PSD3: variants seen among roughly 807,000 people sequenced by gnomAD.
PSD3 encodes PH and SEC7 domain-containing protein 3.
In PSD3, 49 loss-of-function variants were observed where a neutral mutation model predicts 105.5. The observed-to-expected ratio is 0.46, with a 90% confidence interval of 0.37 to 0.59. The LOEUF (loss-of-function observed/expected upper bound fraction) is 0.59. PSD3 is among the 20% of genes least tolerant of loss of function. The pLI is 0.00. For missense variants in PSD3, 1,561 were observed against 1,263.8 expected, an observed-to-expected ratio of 1.24 and a Z score of -3.57; for synonymous variants, 557 against 457.8, an observed-to-expected ratio of 1.22 and a Z score of -2.77.
At chr8:18,716,456 T>C (rs1360669233) in intron 9 of PSD3, among the ~76,000 whole-genome samples, 1 of 152,134 alleles carries the variant, frequency 6.6e-6, no homozygotes, top group Non-Finnish European at 1.5e-5. Flanking sequence ...GTGTTCCAGG[T>C]GGGTGAAACA....
At chr8:19,048,396 G>A (rs1475320498) in intron 1 of PSD3, among the ~76,000 whole-genome samples, 1 of 152,170 alleles carries the variant, frequency 6.6e-6, no homozygotes, top group Non-Finnish European at 1.5e-5. Context: ...CTGGAGAAAT[G>A]GTTTACAGCC....
At position 18,532,059 on chromosome 8, in the gene PSD3, T is replaced by C. The variant is rs969568462; in HGVS notation, c.*3684A>G. 1.3e-5 allele frequency: 2 copies of C among 152,204 alleles called. No homozygotes were observed. The highest frequency in any genetic ancestry group is 4.8e-5 in the African/African-American group (2 of 41,450). The allele number at this position is 152,204 out of a possible 1,614,324, so 9.4% of individuals were successfully genotyped here. The stretch of plus-strand genomic sequence containing the variant: ...AATGAAACCCAAAAGGTTTTGTTAG[T>C]AAGACAATGGAGAAACTTCTTTAAC... On this transcript the variant is annotated 3_prime_UTR_variant, in exon 16 of 16. Coordinates refer to ENST00000327040, the MANE Select transcript of PSD3 (RefSeq NM_015310.4).
chr8:18,786,230 TGAA>T (rs997335592), intron 8 of PSD3, among the ~76,000 whole-genome samples: 1 of 152,030 alleles, frequency 6.6e-6, no homozygotes, highest in African/African-American at 2.4e-5. Flanking sequence ...AATTTAAACT[TGAA>T]GAAGAGATAC....
At chr8:18,591,449 G>A (rs772632697) in intron 12 of PSD3, among the ~76,000 whole-genome samples, 2 of 152,178 alleles carry the variant, frequency 1.3e-5, no homozygotes, top group Non-Finnish European at 2.9e-5. Flanking sequence ...GGGAGAAAAG[G>A]TGGTCAACCT....
At chr8:19,067,303 T>C (rs1032518578) in intron 1 of PSD3, among the ~76,000 whole-genome samples, 2 of 152,170 alleles carry the variant, frequency 1.3e-5, no homozygotes, top group African/African-American at 4.8e-5. Context: ...ATATCTATCA[T>C]TCCAGCTCAG....
chr8:18,548,942 C>A (rs560299484), intron 15 of PSD3, among the ~76,000 whole-genome samples: 1 of 152,170 alleles, frequency 6.6e-6, no homozygotes, highest in Non-Finnish European at 1.5e-5. Flanking sequence ...CTCAGCTGTG[C>A]TGGTTGCCTT....
chr8:18,698,390 A>T (rs1202164375), intron 9 of PSD3, among the ~76,000 whole-genome samples: 1 of 152,162 alleles, frequency 6.6e-6, no homozygotes. Flanking sequence ...AAGTGCTAAG[A>T]TTATAGGTGC....
chr8:18,697,545 C>T (rs985122665), intron 9 of PSD3, among the ~76,000 whole-genome samples: 2 of 152,118 alleles, frequency 1.3e-5, no homozygotes, highest in African/African-American at 4.8e-5. Context: ...CAGAAGTCAA[C>T]TTGGGAACAT....
At chr8:18,575,506 T>C (rs1476834301) in intron 12 of PSD3, among the ~76,000 whole-genome samples, 2 of 152,182 alleles carry the variant, frequency 1.3e-5, no homozygotes, top group African/African-American at 4.8e-5. Flanking sequence ...CCAAGGCATT[T>C]TTTTAAAAAT....
At chr8:18,599,689 T>C (rs1470430993) in intron 12 of PSD3, among the ~76,000 whole-genome samples, 1 of 152,144 alleles carries the variant, frequency 6.6e-6, no homozygotes, top group Non-Finnish European at 1.5e-5. Flanking sequence ...AAATGAGGAC[T>C]AATAATATGG....
At chr8:18,840,504 T>C (rs1011068426) in intron 4 of PSD3, among the ~76,000 whole-genome samples, 3 of 152,244 alleles carry the variant, frequency 2.0e-5, no homozygotes, top group African/African-American at 7.2e-5. Context: ...AGTTAGTGTG[T>C]ACTAAGCACT....
chr8:18,801,590 G>C (rs1170167588), intron 6 of PSD3, among the ~76,000 whole-genome samples: 1 of 152,126 alleles, frequency 6.6e-6, no homozygotes, highest in African/African-American at 2.4e-5. Flanking sequence ...AAGCACTGTG[G>C]GAGGCCAAGG....
At chr8:18,962,220 T>C (rs559292580) in intron 1 of PSD3, among the ~76,000 whole-genome samples, 5 of 151,952 alleles carry the variant, frequency 3.3e-5, no homozygotes, top group African/African-American at 1.2e-4. Context: ...CACTACAGCA[T>C]GGGTGACAAG....
intron 10 of PSD3, among the ~76,000 whole-genome samples, chr8:18,653,599 C>G (rs1425821814): frequency 6.6e-6 from 1 of 152,318 alleles, no homozygotes; most frequent in African/African-American, 2.4e-5. Context: ...ATTTATCTGA[C>G]TCTGAAATCC....
chr8:18,787,833 A>C (rs1020321254), intron 8 of PSD3, among the ~76,000 whole-genome samples: 1 of 152,210 alleles, frequency 6.6e-6, no homozygotes, highest in African/African-American at 2.4e-5. Flanking sequence ...CATTCCCATA[A>C]ACAATTTTTA....
At chr8:19,037,211 A>G (rs1161727127) in intron 1 of PSD3, among the ~76,000 whole-genome samples, 1 of 152,258 alleles carries the variant, frequency 6.6e-6, no homozygotes, top group African/African-American at 2.4e-5. Flanking sequence ...TCTGTGCTGA[A>G]GAATCTGACC....
chr8:18,769,478 A>G (rs527658722), intron 8 of PSD3, among the ~76,000 whole-genome samples: 1 of 152,370 alleles, frequency 6.6e-6, no homozygotes, highest in East Asian at 1.9e-4. Context: ...TTAAAAAAGT[A>G]TCATCTTTAT....
intron 8 of PSD3, among the ~76,000 whole-genome samples, chr8:18,770,339 T>C (rs1258231748): frequency 2.0e-5 from 3 of 152,252 alleles, no homozygotes; most frequent in East Asian, 3.8e-4. Flanking sequence ...TATTATTCAG[T>C]TGTAAGACTT....
chr8:18,542,230 C>G (rs1800193513), intron 15 of PSD3, among the ~76,000 whole-genome samples: 1 of 152,162 alleles, frequency 6.6e-6, no homozygotes, highest in African/African-American at 2.4e-5. Flanking sequence ...CATTTGTCTT[C>G]TAAAAGCATA....
Sources: gnomAD v4.1 joint callset for allele counts (sites outside exome capture counted in the v4.1 genomes callset) on GRCh38, gnomAD v4.1.1 for gene constraint, MANE v1.5 for transcripts, NCBI Gene and HGNC (gene_info 2026-07-23, HGNC 2026-07-21) for gene names.